PIK3R4: variants seen among roughly 807,000 people sequenced by gnomAD.
PIK3R4 encodes the protein phosphoinositide 3-kinase regulatory subunit 4.
PIK3R4 carries 46 observed loss-of-function variants against 136.5 expected under a neutral mutation model. The ratio of observed to expected loss-of-function variants is 0.34; its 90% CI spans 0.27 to 0.43. PIK3R4 has a LOEUF of 0.43. Among genes scored for constraint, PIK3R4 ranks in the 20% least tolerant of loss-of-function variants. PIK3R4 has a pLI of 1.00. For missense variants in PIK3R4, 1,331 were observed against 1,649.5 expected (o/e 0.81, Z 3.35); for synonymous variants, 557 against 566.7 (o/e 0.98, Z 0.24).
At chr3:130,707,542 G>A (rs1004537257) in intron 10 of PIK3R4, among the ~76,000 whole-genome samples, 12 of 150,948 alleles carry the variant, frequency 7.9e-5, no homozygotes, top group African/African-American at 2.9e-4. Context: ...TCTTTTTTTG[G>A]CTTGCTTTCT....
In PIK3R4 at chr3:130,684,303, G is replaced by C; in HGVS notation, c.3554C>G (p.Ala1185Gly). 1.2e-6 allele frequency: 2 copies of C among 1,613,268 alleles called. No individual in the cohort carries two copies. The highest frequency in any genetic ancestry group is 1.7e-6 in the Non-Finnish European group (2 of 1,179,360). Residue 1185 changes from alanine (A) to glycine (G), a missense_variant, in exon 16 of 20, where the codon GCT becomes GGT. Transcript: ENST00000356763. ...PISSHCHPSR[A>G]RIRRLSMHPL... ...GTGCATTGAGAGGCGTCTGATTCGA[G>C]CCCTGGAAGGATGACAGTGACTTGA...
chr3:130,701,102 A>G (rs575518144), intron 13 of PIK3R4, among the ~76,000 whole-genome samples: 1 of 152,308 alleles, frequency 6.6e-6, no homozygotes, highest in Admixed American at 6.5e-5. Context: ...GAGAACTAAC[A>G]AGCAGGGTTT....
intron 2 of PIK3R4, among the ~76,000 whole-genome samples, chr3:130,736,620 A>G (rs1349249522): frequency 1.3e-5 from 2 of 152,184 alleles, no homozygotes; most frequent in Non-Finnish European, 1.5e-5. Context: ...ATGAATGTAT[A>G]TATGTAATAT....
At chr3:130,716,123 G>C (rs1247593857) in intron 9 of PIK3R4, among the ~76,000 whole-genome samples, 1 of 152,158 alleles carries the variant, frequency 6.6e-6, no homozygotes, top group Non-Finnish European at 1.5e-5. Flanking sequence ...TGTTTCTACT[G>C]TCTTTCCCTC....
intron 11 of PIK3R4, among the ~76,000 whole-genome samples, 179 bp downstream of exon 11, chr3:130,706,760 TTTCAATAAC>T (rs1384099371): frequency 6.6e-6 from 1 of 152,218 alleles, no homozygotes; most frequent in Admixed American, 6.5e-5. Flanking sequence ...TTTTTAGTAC[TTTCAATAAC>T]TAGATTTCCT....
chr3:130,679,944 C>CGG (rs2066446199), intron 19 of PIK3R4, among the ~76,000 whole-genome samples: 4 of 150,974 alleles, frequency 2.6e-5, no homozygotes, highest in East Asian at 3.9e-4. Flanking sequence ...GGTGTGGTGG[C>CGG]GTGCACCTGT....
At chr3:130,710,223 A>G (rs1261874243) in intron 9 of PIK3R4, among the ~76,000 whole-genome samples, 2 of 152,024 alleles carry the variant, frequency 1.3e-5, no homozygotes, top group Non-Finnish European at 2.9e-5. Flanking sequence ...CTAAAACTAC[A>G]TTTATATATA....
intron 17 of PIK3R4, 40 bp from the exon 18 acceptor site, chr3:130,681,105 G>A (rs182242376): frequency 3.5e-5 from 38 of 1,071,764 alleles, no homozygotes; most frequent in East Asian, 1.9e-4. Context: ...AAAGACATCC[G>A]TGTATTCCAT....
rs780832466 is a variant in PIK3R4, at chr3:130,723,463, C to T, written c.1932G>A (p.Gln644=). The T allele has an allele frequency of 4.3e-6, 7 of 1,613,262 alleles. No homozygotes were observed. Among genetic ancestry groups the T allele is most frequent in the Non-Finnish European group, 5.9e-6 (7 of 1,179,568 alleles). ...CATGGGGTTTTTGTAGCAGTCCTAA[C>T]TGGCACATACAAGTAAGGGCATAAA... The part of the protein sequence containing the change: ...KALYALTCMC[Q]LGLLQKPHVY... The change falls in exon 7 of 20, where the codon CAG becomes CAA. Residue 644 remains glutamine (Q), a synonymous_variant. Coordinates refer to ENST00000356763, the MANE Select transcript of PIK3R4 (RefSeq NM_014602.3).
chr3:130,684,710 A>G (rs777312854), intron 15 of PIK3R4, among the ~76,000 whole-genome samples: 1 of 152,084 alleles, frequency 6.6e-6, no homozygotes, highest in Non-Finnish European at 1.5e-5. Context: ...TACAAAATGA[A>G]TTTGGTAAGT....
In PIK3R4 at chr3:130,703,740, C is replaced by T. The variant is rs775492380; in HGVS notation, c.3081G>A (p.Gly1027=). The part of the protein sequence containing the change: ...VKIWNSQKME[G]KTTTTRSILT... Reference sequence around the variant, plus strand: ...TATGGTACCTGGTAGTGGTGGTCTTCCCCTCCATCTTTTGACTGTTCCAGA... The same window carrying T: ...TATGGTACCTGGTAGTGGTGGTCTTTCCCTCCATCTTTTGACTGTTCCAGA... The change falls in exon 13 of 20, where the codon GGG becomes GGA. Residue 1027 remains glycine, a synonymous_variant. Coordinates refer to ENST00000356763, the MANE Select transcript of PIK3R4 (RefSeq NM_014602.3). 46 of 1,611,978 alleles carry T rather than the reference C, an allele frequency of 2.9e-5. No homozygotes were observed. Among genetic ancestry groups the T allele is most frequent in the Non-Finnish European group, 3.9e-5 (46 of 1,178,454 alleles).
At chr3:130,743,710 C>T (rs917776036) in intron 2 of PIK3R4, among the ~76,000 whole-genome samples, 1 of 152,210 alleles carries the variant, frequency 6.6e-6, no homozygotes, top group African/African-American at 2.4e-5. Flanking sequence ...CTCCTTCCAA[C>T]TCTGCCACAA....
At chr3:130,741,250 T>C (rs1389142826) in intron 2 of PIK3R4, among the ~76,000 whole-genome samples, 1 of 152,150 alleles carries the variant, frequency 6.6e-6, no homozygotes, top group African/African-American at 2.4e-5. Context: ...AAGGACACCA[T>C]GTATGCTCAT....
At chr3:130,701,487 G>C (rs1468506772) in intron 13 of PIK3R4, among the ~76,000 whole-genome samples, 13 of 151,670 alleles carry the variant, frequency 8.6e-5, no homozygotes, top group Admixed American at 7.9e-4. Flanking sequence ...ACTCCATCCT[G>C]GGCAACAGAG....
rs1553730045 is a variant in PIK3R4 at position 130,728,699 on chromosome 3, A to AAAAAG, written c.1586-16_1586-15insCTTTT. 4.2e-4 allele frequency: 601 copies of AAAAAG among 1,426,856 alleles called. No individual in the cohort carries two copies. The highest frequency in any genetic ancestry group is 3.7e-3 in the East Asian group (158 of 43,156). The allele number at this position is 1,426,856 out of a possible 1,614,324, so 88.4% of individuals were successfully genotyped here. A position where few individuals can be genotyped will look rare whatever the true frequency, so the allele number is the denominator to read the frequency against. On this transcript the variant is annotated splice_polypyrimidine_tract_variant and intron_variant, in intron 5 of 19. Coordinates refer to ENST00000356763, the MANE Select transcript of PIK3R4 (RefSeq NM_014602.3). ...GGCTTGGAGCTCTAAAAAAAAAAAA[A>AAAAAG]AAAGAAAGAAAGAAAGAAAGAAAAG...
intron 9 of PIK3R4, among the ~76,000 whole-genome samples, chr3:130,714,925 T>C (rs1219577477): frequency 6.6e-6 from 1 of 152,164 alleles, no homozygotes; most frequent in Non-Finnish European, 1.5e-5. Flanking sequence ...CATGTGTCTT[T>C]ATAGTAGAAT....
intron 13 of PIK3R4, among the ~76,000 whole-genome samples, chr3:130,699,347 C>G (rs1304744493): frequency 6.6e-6 from 1 of 152,132 alleles, no homozygotes; most frequent in Non-Finnish European, 1.5e-5. Flanking sequence ...AACTTTTCAG[C>G]CAGCTGGCAC....
At chr3:130,709,760 A>C (rs975947466) in intron 9 of PIK3R4, among the ~76,000 whole-genome samples, 1 of 152,164 alleles carries the variant, frequency 6.6e-6, no homozygotes, top group Non-Finnish European at 1.5e-5. Context: ...AGATCAGTGA[A>C]AGAAGCCAGA....
chr3:130,691,585 T>C (rs1046030502), intron 13 of PIK3R4, among the ~76,000 whole-genome samples: 5 of 152,100 alleles, frequency 3.3e-5, no homozygotes, highest in Non-Finnish European at 7.4e-5. Context: ...AGACTGCAAC[T>C]TTACGCTTCT....
Sources: allele counts gnomAD v4.1 joint callset (sites outside exome capture counted in the v4.1 genomes callset), GRCh38; gene constraint gnomAD v4.1.1; transcripts MANE v1.5; gene names NCBI Gene and HGNC (gene_info 2026-07-23, HGNC 2026-07-21).